Variants in DRC11 observed in about 807,000 individuals in gnomAD.
DRC11 encodes the protein IQ and AAA domain-containing protein 1.
At chr2:236,498,846 A>G in the DRC11 span, among the ~76,000 whole-genome samples, 1 of 152,030 alleles carries the variant, frequency 6.6e-6, no homozygotes, top group Non-Finnish European at 1.5e-5. Context: ...ACCTTCCCCT[A>G]CCAAATTTCA....
the DRC11 span, among the ~76,000 whole-genome samples, chr2:236,484,810 C>T: frequency 5.3e-5 from 8 of 152,116 alleles, no homozygotes; most frequent in Non-Finnish European, 7.4e-5. Context: ...TTTTTAAAAG[C>T]GATTTAAGTT....
At chr2:236,401,475 C>T in the DRC11 span, among the ~76,000 whole-genome samples, 1 of 152,178 alleles carries the variant, frequency 6.6e-6, no homozygotes, top group Admixed American at 6.5e-5. This position sits in a 1 kb window ranked among gnomAD's most constrained non-coding sequence, Gnocchi z 4.6. Flanking sequence ...GCCACTTGGC[C>T]TGTGTGCGAC....
At chr2:236,384,989 C>T in the DRC11 span, among the ~76,000 whole-genome samples, 1 of 152,052 alleles carries the variant, frequency 6.6e-6, no homozygotes, top group Non-Finnish European at 1.5e-5. Context: ...GGCGTTATTT[C>T]TGAGGGCTCT....
the DRC11 span, among the ~76,000 whole-genome samples, chr2:236,357,390 T>TTATAAATATA: frequency 5.3e-5 from 6 of 114,012 alleles, no homozygotes; most frequent in African/African-American, 2.1e-4. Flanking sequence ...AGTATAGATA[T>TTATAAATATA]TATATAGTAT....
the DRC11 span, among the ~76,000 whole-genome samples, chr2:236,492,864 C>A: frequency 6.6e-6 from 1 of 152,346 alleles, no homozygotes; most frequent in African/African-American, 2.4e-5. Flanking sequence ...TGCACAAATC[C>A]TGTGGACAAA....
the DRC11 span, chr2:236,486,843 T>A: frequency 1.2e-6 from 2 of 1,609,734 alleles, no homozygotes; most frequent in Non-Finnish European, 1.7e-6. This position sits in a 1 kb window ranked among gnomAD's most constrained non-coding sequence, Gnocchi z 5.7. Context: ...CCCAGGAAGA[T>A]CATCTCCTCT....
chr2:236,335,452 G>T, the DRC11 span, among the ~76,000 whole-genome samples: 2 of 152,130 alleles, frequency 1.3e-5, no homozygotes, highest in Non-Finnish European at 2.9e-5. The surrounding 1 kb of genome is among the most constrained non-coding windows in gnomAD (Gnocchi z 5.6). Context: ...AGAAGTGTCT[G>T]GTGCAGCTTT....
chr2:236,388,829 G>A, the DRC11 span, among the ~76,000 whole-genome samples: 2 of 151,318 alleles, frequency 1.3e-5, no homozygotes, highest in South Asian at 4.2e-4. Context: ...GTGATGTACA[G>A]ATGGGTTTTT....
At chr2:236,311,479 G>T in the DRC11 span, among the ~76,000 whole-genome samples, 1 of 152,126 alleles carries the variant, frequency 6.6e-6, no homozygotes, top group Non-Finnish European at 1.5e-5. This position sits in a 1 kb window ranked among gnomAD's most constrained non-coding sequence, Gnocchi z 6.9. Flanking sequence ...ATCTCATTCT[G>T]GTCACATTTC....
the DRC11 span, among the ~76,000 whole-genome samples, chr2:236,484,329 T>C: frequency 6.6e-6 from 1 of 152,208 alleles, no homozygotes; most frequent in Non-Finnish European, 1.5e-5. Flanking sequence ...TTTCCCCCTC[T>C]GACATAATTT....
At chr2:236,431,198 T>C in the DRC11 span, among the ~76,000 whole-genome samples, 10 of 152,276 alleles carry the variant, frequency 6.6e-5, no homozygotes, top group East Asian at 1.9e-3. This position sits in a 1 kb window ranked among gnomAD's most constrained non-coding sequence, Gnocchi z 4.2. Flanking sequence ...ATCCCTTTTC[T>C]CTCTCCTTCC....
At chr2:236,380,502 C>T in the DRC11 span, 27 of 1,289,832 alleles carry the variant, frequency 2.1e-5, no homozygotes, top group African/African-American at 2.5e-4. The surrounding 1 kb of genome is among the most constrained non-coding windows in gnomAD (Gnocchi z 4.9). Context: ...GGGGCGTACT[C>T]GGGGTTCCCT....
At chr2:236,366,973 CTA>C in the DRC11 span, among the ~76,000 whole-genome samples, 10 of 114,814 alleles carry the variant, frequency 8.7e-5, no homozygotes, top group Non-Finnish European at 1.6e-4. Context: ...CCACACCCGG[CTA>C]TTTTTTTTTT....
the DRC11 span, among the ~76,000 whole-genome samples, chr2:236,396,011 A>G: frequency 6.6e-6 from 1 of 152,196 alleles, no homozygotes; most frequent in Non-Finnish European, 1.5e-5. Context: ...AGTTGCAATT[A>G]TATTTAAAAT....
the DRC11 span, chr2:236,324,645 C>T: frequency 1.8e-6 from 2 of 1,137,264 alleles, no homozygotes; most frequent in Non-Finnish European, 1.3e-6. This position sits in a 1 kb window ranked among gnomAD's most constrained non-coding sequence, Gnocchi z 5.7. Flanking sequence ...CATGGTTCTT[C>T]AGAAAGGCAT....
the DRC11 span, among the ~76,000 whole-genome samples, chr2:236,356,226 A>G: frequency 1.6e-3 from 244 of 152,202 alleles, no homozygotes; most frequent in African/African-American, 4.7e-3. Context: ...CCGCTGAAAC[A>G]TTCTCTGCTC....
At chr2:236,358,009 T>C in the DRC11 span, among the ~76,000 whole-genome samples, 1 of 110,904 alleles carries the variant, frequency 9.0e-6, no homozygotes, top group South Asian at 2.7e-4. Flanking sequence ...TATATATTTA[T>C]AATATATAGA....
chr2:236,486,850 C>T, the DRC11 span: 1 of 1,610,446 alleles, frequency 6.2e-7, no homozygotes, highest in Non-Finnish European at 8.5e-7. This position sits in a 1 kb window ranked among gnomAD's most constrained non-coding sequence, Gnocchi z 5.7. Flanking sequence ...AGATCATCTC[C>T]TCTTCTCTCA....
At chr2:236,393,368 G>A in the DRC11 span, among the ~76,000 whole-genome samples, 1 of 152,152 alleles carries the variant, frequency 6.6e-6, no homozygotes, top group Non-Finnish European at 1.5e-5. The surrounding 1 kb of genome is among the most constrained non-coding windows in gnomAD (Gnocchi z 4.7). Flanking sequence ...CTCCAAGGCA[G>A]GGGGTGGTGA....
Sources: allele counts gnomAD v4.1 joint callset (sites outside exome capture counted in the v4.1 genomes callset), GRCh38; gene constraint gnomAD v4.1.1; non-coding constraint Gnocchi (gnomAD v3.1); transcripts MANE v1.5; gene names NCBI Gene and HGNC (gene_info 2026-07-23, HGNC 2026-07-21).